The following SMYD3 variants were observed in gnomAD, a reference collection of about 807,000 sequenced individuals.
SMYD3 encodes SET and MYND domain containing 3.
SMYD3 carries 36 observed loss-of-function variants against 57.7 expected under a neutral mutation model. That is an observed-to-expected ratio of 0.62 (90% CI 0.48 to 0.82). SMYD3 has a LOEUF of 0.82. Among genes scored for constraint, SMYD3 ranks in the 40% least tolerant of loss-of-function variants. SMYD3 has a pLI of 0.00. For synonymous variants in SMYD3, 211 were observed against 195.0 expected (o/e 1.08, Z -0.68); for missense variants, 515 against 538.8 (o/e 0.96, Z 0.44).
chr1:245,896,800 G>A (rs1309427922), intron 8 of SMYD3, among the ~76,000 whole-genome samples: 26 of 152,166 alleles, frequency 1.7e-4, no homozygotes, highest in Admixed American at 1.6e-3. Context: ...TCACCGGGGC[G>A]CAAGAGGTCC....
chr1:246,272,846 G>C (rs1337021420), intron 5 of SMYD3, among the ~76,000 whole-genome samples: 1 of 152,160 alleles, frequency 6.6e-6, no homozygotes, highest in East Asian at 1.9e-4. Flanking sequence ...CTTTGGAAAA[G>C]TTTGAGAAAG....
intron 5 of SMYD3, among the ~76,000 whole-genome samples, chr1:246,188,859 G>A (rs1405923510): frequency 6.6e-6 from 1 of 151,872 alleles, no homozygotes; most frequent in African/African-American, 2.4e-5. Flanking sequence ...TACTCGGGAG[G>A]CTAGTGAGGA....
intron 5 of SMYD3, among the ~76,000 whole-genome samples, chr1:246,006,238 G>T (rs1011752090): frequency 6.7e-6 from 1 of 150,366 alleles, no homozygotes; most frequent in Admixed American, 6.7e-5. Flanking sequence ...TACTTTGTAG[G>T]AAGAGCCCGC....
rs543083377 is a variant in SMYD3, at chr1:246,228,255, C to A, written c.531+98946G>T. 1.8e-4 allele frequency among the ~76,000 whole-genome samples: 28 copies of A among 152,242 alleles called. 1 individual carries two copies. The highest frequency in any genetic ancestry group is 1.0e-3 in the South Asian group (5 of 4,830). The stretch of plus-strand genomic sequence containing the variant: ...AAAGTACTGGGATTGCAGACGTGAG[C>A]CACTGCGCCCGGCCTCACATTTCCT... On this transcript the variant is annotated intron_variant, in intron 5 of 11. Coordinates refer to ENST00000490107, the MANE Select transcript of SMYD3 (RefSeq NM_001167740.2).
chr1:245,863,645 A>G (rs9727434), intron 9 of SMYD3, among the ~76,000 whole-genome samples, 154 bp downstream of exon 9: 84,600 of 152,018 alleles, frequency 0.56, 26,711 homozygotes, highest in Non-Finnish European at 0.73. Context: ...ACTGCTGGCC[A>G]GGGTCGGAGG....
intron 9 of SMYD3, among the ~76,000 whole-genome samples, chr1:245,862,688 T>C (rs1572537634): frequency 6.6e-6 from 1 of 152,238 alleles, no homozygotes; most frequent in African/African-American, 2.4e-5. Flanking sequence ...CATCATTTTT[T>C]CAGTGTAGCT....
chr1:246,258,635 T>C (rs1458975452), intron 5 of SMYD3, among the ~76,000 whole-genome samples: 6 of 152,230 alleles, frequency 3.9e-5, no homozygotes, highest in Non-Finnish European at 8.8e-5. Context: ...CCTTTTTCTC[T>C]AGCTGCCTTT....
At chr1:246,165,069 G>A (rs754373497) in intron 5 of SMYD3, among the ~76,000 whole-genome samples, 1 of 152,194 alleles carries the variant, frequency 6.6e-6, no homozygotes, top group African/African-American at 2.4e-5. Flanking sequence ...AGAGTATGGT[G>A]TCACCGAAGC....
At chr1:245,968,296 A>G (rs928380753) in intron 5 of SMYD3, among the ~76,000 whole-genome samples, 1 of 148,144 alleles carries the variant, frequency 6.8e-6, no homozygotes, top group Non-Finnish European at 1.5e-5. Flanking sequence ...TGAGACACTC[A>G]GTTCTCCTCA....
chr1:245,966,864 GT>G (rs1355713246), intron 5 of SMYD3, among the ~76,000 whole-genome samples: 3 of 152,014 alleles, frequency 2.0e-5, no homozygotes, highest in Non-Finnish European at 4.4e-5. Context: ...TTCTTTTAAG[GT>G]CCCCATATGA....
intron 5 of SMYD3, among the ~76,000 whole-genome samples, chr1:245,949,191 C>T (rs1253478931): frequency 6.6e-6 from 1 of 152,170 alleles, no homozygotes; most frequent in Admixed American, 6.5e-5. Flanking sequence ...CACACTGATG[C>T]CACCTACCAC....
intron 8 of SMYD3, among the ~76,000 whole-genome samples, chr1:245,876,242 C>T (rs559789321): frequency 6.6e-6 from 1 of 152,300 alleles, no homozygotes; most frequent in South Asian, 2.1e-4. Context: ...CTCCTCTTTG[C>T]TGTAAGGGCC....
chr1:245,834,802 T>C (rs1351541843), intron 10 of SMYD3, among the ~76,000 whole-genome samples: 9 of 152,164 alleles, frequency 5.9e-5, no homozygotes, highest in African/African-American at 2.2e-4. Flanking sequence ...CAAGGTCTTT[T>C]AGGGTATGGG....
At chr1:246,093,934 C>T (rs2060867394) in intron 5 of SMYD3, among the ~76,000 whole-genome samples, 1 of 152,122 alleles carries the variant, frequency 6.6e-6, no homozygotes, top group Admixed American at 6.5e-5. Flanking sequence ...ACAGCCCATA[C>T]AAATTCCTGG....
Position 246,355,123 on chromosome 1 carries a change from A to G in SMYD3, c.165-29T>C. On this transcript the variant is annotated intron_variant, in intron 1 of 11. Transcript: ENST00000490107. The surrounding 1 kb of genome is among the most constrained non-coding windows in gnomAD (Gnocchi z 5.0). ...TGGGGAAAAAAATTAATTCTGCATT[A>G]AGAAATGAGTGGGAAACATAGTACA... 3.7e-6 allele frequency: 6 copies of G among 1,606,514 alleles called. No homozygotes were observed. Among genetic ancestry groups the G allele is most frequent in the Non-Finnish European group, 5.1e-6 (6 of 1,173,064 alleles).
chr1:246,140,036 A>G (rs986435540), intron 5 of SMYD3, among the ~76,000 whole-genome samples: 9 of 152,358 alleles, frequency 5.9e-5, no homozygotes, highest in African/African-American at 1.7e-4. Context: ...AAGACAAAAC[A>G]TAAGAATGGA....
At chr1:246,376,472 TC>T (rs1194631604) in intron 1 of SMYD3, among the ~76,000 whole-genome samples, 1 of 150,368 alleles carries the variant, frequency 6.7e-6, no homozygotes, top group Non-Finnish European at 1.5e-5. Flanking sequence ...GTGCCTGTAA[TC>T]CCAGCTACTT....
intron 10 of SMYD3, among the ~76,000 whole-genome samples, chr1:245,803,831 T>C (rs1014902676): frequency 2.0e-5 from 3 of 151,976 alleles, no homozygotes; most frequent in East Asian, 1.9e-4. Flanking sequence ...AGAGAAACAA[T>C]GTCCTATTGG....
At chr1:245,792,339 C>CA (rs2047313458) in intron 10 of SMYD3, among the ~76,000 whole-genome samples, 1 of 152,162 alleles carries the variant, frequency 6.6e-6, no homozygotes, top group African/African-American at 2.4e-5. Flanking sequence ...ATAGCTAGTA[C>CA]ACTGCAAAAC....
Sources: allele counts gnomAD v4.1 joint callset (sites outside exome capture counted in the v4.1 genomes callset), GRCh38; gene constraint gnomAD v4.1.1; non-coding constraint Gnocchi (gnomAD v3.1); transcripts MANE v1.5; gene names NCBI Gene and HGNC (gene_info 2026-07-23, HGNC 2026-07-21).